The following RGPD2 variants were observed in gnomAD, a reference collection of about 807,000 sequenced individuals.
RGPD2 encodes RANBP2-like and GRIP domain-containing protein 2.
In RGPD2, 2 loss-of-function variants were observed where a neutral mutation model predicts 36.0. The observed-to-expected ratio is 0.06, with a 90% CI of 0.02 to 0.17. The LOEUF is 0.17. RGPD2 is among the 10% of genes least tolerant of loss of function. RGPD2 has a pLI of 1.00. For missense variants in RGPD2, 40 were observed against 464.3 expected (o/e 0.09, Z 8.40); for synonymous variants, 19 against 163.8 (o/e 0.12, Z 6.75).
chr2:87,761,754 CCTGA>C (rs1172090669), intron 22 of RGPD2, among the ~76,000 whole-genome samples: 16 of 104,328 alleles, frequency 1.5e-4, no homozygotes, highest in African/African-American at 4.7e-4. Flanking sequence ...ACTGGGAAAA[CCTGA>C]CTGAGGTCTG....
the RGPD2 span, among the ~76,000 whole-genome samples, chr2:87,985,307 G>A: frequency 6.6e-6 from 1 of 151,296 alleles, no homozygotes; most frequent in Middle Eastern, 3.4e-3. Flanking sequence ...CAATATGTGT[G>A]TAAAAAGACA....
chr2:87,961,574 C>A, the RGPD2 span, among the ~76,000 whole-genome samples: 6 of 150,744 alleles, frequency 4.0e-5, no homozygotes, highest in Non-Finnish European at 7.4e-5. Context: ...TGGAGGTGGG[C>A]CCCTGTAATC....
intron 4 of RGPD2, among the ~76,000 whole-genome samples, chr2:87,812,830 ATTT>A (rs952068019): frequency 6.8e-6 from 1 of 147,082 alleles, no homozygotes; most frequent in African/African-American, 2.5e-5. Context: ...TGCCCGGCTA[ATTT>A]TTTTTTAACG....
chr2:87,984,344 G>A, the RGPD2 span, among the ~76,000 whole-genome samples: 1 of 152,062 alleles, frequency 6.6e-6, no homozygotes, highest in Non-Finnish European at 1.5e-5. Context: ...TAGAGATGTG[G>A]TTAAAGAGTC....
the RGPD2 span, among the ~76,000 whole-genome samples, chr2:87,884,249 A>C: frequency 6.6e-6 from 1 of 151,968 alleles, no homozygotes; most frequent in African/African-American, 2.4e-5. Context: ...TCTTGAGAAA[A>C]CAAGAATGAA....
chr2:87,872,455 G>A, the RGPD2 span, among the ~76,000 whole-genome samples: 5 of 151,986 alleles, frequency 3.3e-5, no homozygotes, highest in East Asian at 9.6e-4. Flanking sequence ...AACATACTGA[G>A]AAAAAATAGA....
the RGPD2 span, among the ~76,000 whole-genome samples, chr2:87,966,239 T>C: frequency 2.0e-5 from 3 of 152,188 alleles, no homozygotes; most frequent in Non-Finnish European, 4.4e-5. Flanking sequence ...ACTGCATAGC[T>C]GTTATTTCAC....
the RGPD2 span, among the ~76,000 whole-genome samples, chr2:87,870,119 G>A: frequency 5.3e-5 from 8 of 152,260 alleles, no homozygotes; most frequent in South Asian, 2.1e-4. Flanking sequence ...TCTGCACATT[G>A]TCACATTTGA....
intron 6 of RGPD2, among the ~76,000 whole-genome samples, chr2:87,809,222 G>A (rs1241693018): frequency 5.3e-5 from 8 of 152,144 alleles, no homozygotes; most frequent in Non-Finnish European, 7.4e-5. Context: ...GGAGAATGGC[G>A]TGAACCCTGG....
the RGPD2 span, among the ~76,000 whole-genome samples, chr2:87,913,987 A>C: frequency 6.6e-6 from 1 of 152,140 alleles, no homozygotes; most frequent in Non-Finnish European, 1.5e-5. Flanking sequence ...TGCCATGCTA[A>C]TTGCTTAAAG....
the RGPD2 span, among the ~76,000 whole-genome samples, chr2:87,882,105 C>T: frequency 2.0e-5 from 3 of 152,254 alleles, no homozygotes; most frequent in South Asian, 6.2e-4. Flanking sequence ...ATAAACCACT[C>T]CCACTAGGCC....
chr2:87,915,261 C>CAT, the RGPD2 span, among the ~76,000 whole-genome samples: 9,722 of 120,832 alleles, frequency 0.08, 960 homozygotes, highest in African/African-American at 0.2. Flanking sequence ...TAAATATATA[C>CAT]GTGTGTGTGT....
chr2:87,864,293 T>C, the RGPD2 span, among the ~76,000 whole-genome samples: 1 of 152,296 alleles, frequency 6.6e-6, no homozygotes, highest in Non-Finnish European at 1.5e-5. Context: ...AGCTGGGACA[T>C]TCGTCTTCTG....
At chr2:87,984,666 C>T in the RGPD2 span, among the ~76,000 whole-genome samples, 2 of 146,016 alleles carry the variant, frequency 1.4e-5, no homozygotes, top group East Asian at 4.0e-4. Context: ...CACGGTGGCT[C>T]ACACCTGTAA....
At chr2:87,985,925 C>G in the RGPD2 span, 1 of 1,556,562 alleles carries the variant, frequency 6.4e-7, no homozygotes, top group Non-Finnish European at 8.8e-7. Context: ...CTATTAAAAG[C>G]AAAGATTAAT....
At chr2:87,904,934 G>A in the RGPD2 span, among the ~76,000 whole-genome samples, 2 of 150,352 alleles carry the variant, frequency 1.3e-5, no homozygotes, top group East Asian at 2.0e-4. Flanking sequence ...GTGCCACACA[G>A]GCATTAAGTT....
chr2:87,878,564 A>G, the RGPD2 span, among the ~76,000 whole-genome samples: 2 of 152,220 alleles, frequency 1.3e-5, no homozygotes, highest in Admixed American at 6.5e-5. Flanking sequence ...CCATCACCTG[A>G]AATACTTATC....
chr2:87,964,076 A>T, the RGPD2 span, among the ~76,000 whole-genome samples: 148,684 of 151,978 alleles, frequency 0.98, 72,728 homozygotes, highest in East Asian at 1. Context: ...CCTCCAGTGA[A>T]CCATCTTAGC....
the RGPD2 span, among the ~76,000 whole-genome samples, chr2:87,874,229 C>T: frequency 7.6e-6 from 1 of 131,986 alleles, no homozygotes; most frequent in African/African-American, 3.0e-5. Context: ...AATTAGATAC[C>T]ACTTGTTAAT....
Sources: allele counts gnomAD v4.1 joint callset (sites outside exome capture counted in the v4.1 genomes callset), GRCh38; gene constraint gnomAD v4.1.1; transcripts MANE v1.5; gene names NCBI Gene and HGNC (gene_info 2026-07-23, HGNC 2026-07-21).